Variants in CLVS1 observed in about 807,000 individuals in gnomAD.
CLVS1 encodes the protein clavesin-1.
Under a neutral mutation model 33.1 loss-of-function variants are expected in CLVS1, and 10 were observed. The ratio of observed to expected loss-of-function variants is 0.30; its 90% CI spans 0.19 to 0.51. The LOEUF (loss-of-function observed/expected upper bound fraction) is 0.51. Ranked by LOEUF, CLVS1 falls within the 20% of genes least tolerant of loss-of-function variation. The pLI is 0.97. For synonymous variants in CLVS1, 163 were observed against 166.1 expected, an observed-to-expected ratio of 0.98 and a Z score of 0.14; for missense variants, 343 against 433.4, an observed-to-expected ratio of 0.79 and a Z score of 1.85.
chr8:61,202,805 C>T, intron 2 of CLVS1: 1 of 1,369,568 alleles, frequency 7.3e-7, no homozygotes, highest in Non-Finnish European at 1.0e-6. Flanking sequence ...AGCAAGCTTC[C>T]ACAGAAAAAA....
rs182063340 is a variant in CLVS1 at position 61,338,546 on chromosome 8, C to T, written c.456-38059C>T. Among the ~76,000 whole-genome samples the T allele has an allele frequency of 5.9e-5, 9 of 152,292 alleles. No individual in the cohort carries two copies. In the East Asian group the frequency reaches 1.7e-3, roughly 29 times the overall value. On this transcript the variant is annotated intron_variant, in intron 2 of 5. Coordinates refer to ENST00000325897, the MANE Select transcript of CLVS1 (RefSeq NM_173519.3). ...GAGACCACACTTTAAGGCTCACTAG[C>T]ACAGGCAATAGTCTGTACTTACGCA...
At chr8:61,155,656 G>A (rs1806634137) in intron 2 of CLVS1, among the ~76,000 whole-genome samples, 1 of 151,984 alleles carries the variant, frequency 6.6e-6, no homozygotes, top group African/African-American at 2.4e-5. Context: ...TATTTAGACG[G>A]GCTGCAAACC....
Position 61,166,031 on chromosome 8 carries a change from G to GTTTTTTTTTTTTTTT in CLVS1, c.-152+34185_-152+34186insTTTTTTTTTTTTTTT, listed in dbSNP as rs71245557. Among the ~76,000 whole-genome samples, 97 of 108,352 alleles carry GTTTTTTTTTTTTTTT rather than the reference G, an allele frequency of 9.0e-4. 5 individuals carry two copies. The highest frequency in any genetic ancestry group is 1.7e-3 in the African/African-American group (51 of 30,730). 71.1% of individuals were successfully genotyped at this position (108,352 alleles called of 152,430 possible). A position where few individuals can be genotyped will look rare whatever the true frequency, so the allele number is the denominator to read the frequency against. On this transcript the variant is annotated intron_variant, in intron 2 of 2. Transcript: ENST00000522621. ...TATTTTTGTGGCTAAGCATCTAAGC[G>GTTTTTTTTTTTTTTT]TTTTTTTTTTTTTTGCCTGCCTTTG...
At chr8:61,382,989 G>T (rs1403794004) in intron 3 of CLVS1, among the ~76,000 whole-genome samples, 1 of 152,226 alleles carries the variant, frequency 6.6e-6, no homozygotes, top group Non-Finnish European at 1.5e-5. Flanking sequence ...GCTACTCAAT[G>T]TTAGAGTGTT....
intron 5 of CLVS1, chr8:61,465,291 T>C (rs1452094265): frequency 6.6e-6 from 1 of 152,148 alleles, no homozygotes; most frequent in East Asian, 1.9e-4. Flanking sequence ...TGCACCGACC[T>C]TGGGACCCAA....
Position 61,114,871 on chromosome 8 carries a change from A to G in CLVS1, c.-242-16899A>G, listed in dbSNP as rs1042359354. On this transcript the variant is annotated intron_variant, in intron 1 of 2. Transcript: ENST00000522621. ...TTTTGAAAACCCAAACAAAACAAAT[A>G]TAACAACAAAAAGCTTCCAGTGTCT... Among the ~76,000 whole-genome samples the G allele has an allele frequency of 4.6e-5, 7 of 152,340 alleles. No individual in the cohort carries two copies. In the South Asian group the frequency reaches 1.2e-3, roughly 27 times the overall value.
intron 2 of CLVS1, among the ~76,000 whole-genome samples, chr8:61,282,607 GAAC>G (rs1809695069): frequency 1.3e-5 from 2 of 152,162 alleles, no homozygotes. Flanking sequence ...GGAAAAATGG[GAAC>G]AATACAAGTA....
In CLVS1 at chr8:61,181,892, G is replaced by A. The variant is rs370820433; in HGVS notation, c.-152+50032G>A. On this transcript the variant is annotated intron_variant, in intron 2 of 2. Transcript: ENST00000522621. ...TTTTTTTGTATTTTTTAGTAGAGAT[G>A]GGGTTTCACTGTGTTAGCCAGGATG... is the stretch of plus-strand genomic sequence containing the variant. Among the ~76,000 whole-genome samples, 852 of 151,764 alleles carry A rather than the reference G, an allele frequency of 5.6e-3. 10 individuals carry two copies. The highest frequency in any genetic ancestry group is 0.019 in the African/African-American group (786 of 41,424).
At chr8:61,491,420 G>A (rs1177426490) in intron 5 of CLVS1, among the ~76,000 whole-genome samples, 1 of 152,172 alleles carries the variant, frequency 6.6e-6, no homozygotes, top group African/African-American at 2.4e-5. Flanking sequence ...CTTATCATGA[G>A]CAGCCAGTCA....
At chr8:61,359,156 A>G (rs1294081795) in intron 2 of CLVS1, among the ~76,000 whole-genome samples, 1 of 152,174 alleles carries the variant, frequency 6.6e-6, no homozygotes, top group African/African-American at 2.4e-5. Context: ...TTAAGCCCTC[A>G]TCATTCACAG....
At chr8:60,991,386 C>T in the CLVS1 span, among the ~76,000 whole-genome samples, 1 of 152,178 alleles carries the variant, frequency 6.6e-6, no homozygotes, top group Non-Finnish European at 1.5e-5. Context: ...CCAGAAAATA[C>T]TTTGTACTGA....
intron 2 of CLVS1, among the ~76,000 whole-genome samples, chr8:61,333,828 T>C (rs1811688260): frequency 6.9e-6 from 1 of 145,354 alleles, no homozygotes. Flanking sequence ...CCATTTGTTA[T>C]TTTTTTTTGA....
chr8:61,070,735 G>A (rs1253266060), intron 1 of CLVS1, among the ~76,000 whole-genome samples: 1 of 152,224 alleles, frequency 6.6e-6, no homozygotes, highest in East Asian at 1.9e-4. Context: ...AGTTACTCAG[G>A]AGGCTGAGGT....
chr8:61,094,377 C>T (rs1465478526), intron 1 of CLVS1, among the ~76,000 whole-genome samples: 1 of 152,162 alleles, frequency 6.6e-6, no homozygotes, highest in African/African-American at 2.4e-5. Context: ...TGATGAAGAC[C>T]ACAGCTAGGA....
At chr8:61,163,970 C>G (rs1384458151) in intron 2 of CLVS1, among the ~76,000 whole-genome samples, 2 of 152,160 alleles carry the variant, frequency 1.3e-5, no homozygotes, top group Non-Finnish European at 2.9e-5. Context: ...GAAAACAAAG[C>G]TCCCATACAA....
chr8:61,449,514 A>C (rs1296198991), intron 3 of CLVS1, among the ~76,000 whole-genome samples: 1 of 152,144 alleles, frequency 6.6e-6, no homozygotes, highest in African/African-American at 2.4e-5. Context: ...CAGGCTGCCC[A>C]CTCAGACTTT....
At chr8:61,482,468 G>A (rs1818233207) in intron 5 of CLVS1, among the ~76,000 whole-genome samples, 1 of 148,978 alleles carries the variant, frequency 6.7e-6, no homozygotes, top group African/African-American at 2.5e-5. Flanking sequence ...AAAAAGATTA[G>A]ACGAATGGCT....
At chr8:61,095,288 T>G (rs1163107174) in intron 1 of CLVS1, among the ~76,000 whole-genome samples, 1 of 152,048 alleles carries the variant, frequency 6.6e-6, no homozygotes, top group African/African-American at 2.4e-5. Context: ...GGGCAGGAGG[T>G]AGGTTTCAGG....
chr8:61,120,626 C>T (rs1585624695), intron 1 of CLVS1, among the ~76,000 whole-genome samples: 3 of 126,998 alleles, frequency 2.4e-5, no homozygotes, highest in African/African-American at 3.3e-5. Flanking sequence ...GTTGGAATAC[C>T]CTGCCGTGTG....
Sources: allele counts gnomAD v4.1 joint callset (sites outside exome capture counted in the v4.1 genomes callset), GRCh38; gene constraint gnomAD v4.1.1; transcripts MANE v1.5; gene names NCBI Gene and HGNC (gene_info 2026-07-23, HGNC 2026-07-21).